The following LINGO1 variants were observed in gnomAD, a reference collection of about 807,000 sequenced individuals.
LINGO1 encodes the protein leucine rich repeat and Ig domain containing 1, also known as leucine-rich repeat and immunoglobulin-like domain-containing nogo receptor-interacting protein 1.
LINGO1 carries 11 observed loss-of-function variants against 37.3 expected under a neutral mutation model. The ratio of observed to expected loss-of-function variants is 0.29; its 90% confidence interval spans 0.19 to 0.49. The LOEUF is 0.49. Among genes scored for constraint, LINGO1 ranks in the 20% least tolerant of loss-of-function variants. The pLI is 0.99. For missense variants in LINGO1, 585 were observed against 878.2 expected, an observed-to-expected ratio of 0.67 and a Z score of 4.22; for synonymous variants, 387 against 403.0, an observed-to-expected ratio of 0.96 and a Z score of 0.48.
At chr15:77,720,146 C>T (rs2141310640) in intron 2 of LINGO1, among the ~76,000 whole-genome samples, 1 of 137,806 alleles carries the variant, frequency 7.3e-6, no homozygotes. Context: ...CAGCCCCACC[C>T]CACCCCTCCA....
At chr15:77,694,407 CGTGGCCTCACACCCTCT>C (rs2075655667) in intron 1 of LINGO1, among the ~76,000 whole-genome samples, 1 of 152,064 alleles carries the variant, frequency 6.6e-6, no homozygotes, top group Non-Finnish European at 1.5e-5. Context: ...TCAGATTCTC[CGTGGCCTCACACCCTCT>C]GTGGCCTCAC....
At chr15:77,792,058 C>G (rs1452741630) in intron 2 of LINGO1, among the ~76,000 whole-genome samples, 1 of 152,176 alleles carries the variant, frequency 6.6e-6, no homozygotes, top group East Asian at 1.9e-4. Context: ...GCCTCTCCAG[C>G]CCAGCTCTTC....
intron 1 of LINGO1, among the ~76,000 whole-genome samples, chr15:77,812,856 T>C (rs931169500): frequency 3.3e-5 from 5 of 152,202 alleles, no homozygotes; most frequent in African/African-American, 9.6e-5. Context: ...GCCGTATCTA[T>C]GATGAGCGTC....
In LINGO1 at chr15:77,766,376, C is replaced by CA. The variant is rs71145860; in HGVS notation, c.-257+20492dup. On this transcript the variant is annotated intron_variant, in intron 1 of 3. Coordinates refer to the LINGO1 transcript ENST00000561686. ...ATGGGCAATGCAGACAGAAGGAACTCAAAAAAAAAAAAACCTATCATTTTC... is the reference window on the plus strand; with the variant it reads ...ATGGGCAATGCAGACAGAAGGAACTCAAAAAAAAAAAAAACCTATCATTTTC... 3.1e-3 allele frequency among the ~76,000 whole-genome samples: 317 copies of CA among 102,570 alleles called. 1 individual carries two copies. Among genetic ancestry groups the CA allele is most frequent in the East Asian group, 6.2e-3 (23 of 3,708 alleles). The allele number at this position is 102,570 out of a possible 152,430, so 67.3% of individuals were successfully genotyped here.
intron 1 of LINGO1, among the ~76,000 whole-genome samples, chr15:77,756,781 C>A (rs1299030096): frequency 1.3e-5 from 2 of 152,186 alleles, no homozygotes; most frequent in Admixed American, 1.3e-4. Context: ...TGACCCTGAA[C>A]CACCATGCCA....
intron 1 of LINGO1, among the ~76,000 whole-genome samples, chr15:77,627,465 G>A (rs912025177): frequency 2.0e-5 from 3 of 152,138 alleles, no homozygotes; most frequent in African/African-American, 4.8e-5. Context: ...CCCCTCATTC[G>A]ATCCATGAGC....
upstream of LINGO1, among the ~76,000 whole-genome samples, chr15:77,639,267 G>T (rs2074452562): frequency 6.6e-6 from 1 of 152,092 alleles, no homozygotes; most frequent in East Asian, 1.9e-4. Context: ...ATACATATTT[G>T]CTGTTTTAAG....
intron 2 of LINGO1, among the ~76,000 whole-genome samples, chr15:77,716,985 A>C (rs2075992155): frequency 1.3e-5 from 2 of 150,476 alleles, no homozygotes; most frequent in African/African-American, 4.8e-5. Flanking sequence ...AAAAGAGAAG[A>C]GAAAACAATA....
At chr15:77,735,851 C>G (rs950145074) in intron 1 of LINGO1, among the ~76,000 whole-genome samples, 8 of 152,312 alleles carry the variant, frequency 5.3e-5, no homozygotes, top group Middle Eastern at 3.4e-3. Context: ...TGGGAGACCA[C>G]TCATACACAC....
chr15:77,663,053 C>G (rs760740025), intron 3 of LINGO1, among the ~76,000 whole-genome samples: 1 of 152,216 alleles, frequency 6.6e-6, no homozygotes, highest in Non-Finnish European at 1.5e-5. Context: ...TTTTGAGGAT[C>G]AGCCTCACCT....
rs149287703 is a variant in LINGO1 at position 77,649,779 on chromosome 15, G to A, written c.-13+27310C>T. ...CTGGACTCCCACAGCCTGCCCCCCC[G>A]AGTGCAGCAGCCCCCAACACTGCTC... is the stretch of plus-strand genomic sequence containing the variant. On this transcript the variant is annotated intron_variant, in intron 3 of 3. Coordinates refer to the LINGO1 transcript ENST00000559893. 3.1e-3 allele frequency among the ~76,000 whole-genome samples: 472 copies of A among 152,228 alleles called. 2 individuals carry two copies. Among genetic ancestry groups the A allele is most frequent in the Non-Finnish European group, 3.6e-3 (243 of 67,998 alleles).
At chr15:77,728,802 C>T (rs1175112740) in intron 2 of LINGO1, among the ~76,000 whole-genome samples, 4 of 152,248 alleles carry the variant, frequency 2.6e-5, no homozygotes, top group Non-Finnish European at 5.9e-5. Context: ...CCTCTGTCTG[C>T]ACTTCAGTTC....
At chr15:77,654,116 C>T (rs776509672) in intron 3 of LINGO1, among the ~76,000 whole-genome samples, 8 of 152,174 alleles carry the variant, frequency 5.3e-5, no homozygotes, top group Admixed American at 2.0e-4. Context: ...GCCTTGGCCT[C>T]GCCTCTTCCT....
At position 77,615,826 on chromosome 15, in the gene LINGO1, G is replaced by C; in HGVS notation, c.81C>G (p.Leu27=). Residue 27 remains leucine, a synonymous_variant, in exon 2 of 2, where the codon CTC becomes CTG. Transcript: ENST00000355300. ...SPLLACWQPI[L]LLVLGSVLSG... is the part of the protein sequence containing the mutation. ...ACAGCACTGAGCCCAGCACCAGCAG[G>C]AGGATGGGCTGCCAGCAGGCCAGGA... The C allele has an allele frequency of 6.6e-7, 1 of 1,524,386 alleles. No homozygotes were observed. The allele number at this position is 1,524,386 out of a possible 1,614,324, so 94.4% of individuals were successfully genotyped here.
At chr15:77,776,391 C>T (rs1176178301) in intron 1 of LINGO1, among the ~76,000 whole-genome samples, 1 of 121,436 alleles carries the variant, frequency 8.2e-6, no homozygotes, top group South Asian at 2.6e-4. Flanking sequence ...AGCCTTAAGA[C>T]AGAATCTGCT....
intron 2 of LINGO1, among the ~76,000 whole-genome samples, chr15:77,686,815 C>A (rs2075519005): frequency 6.6e-6 from 1 of 152,212 alleles, no homozygotes; most frequent in South Asian, 2.1e-4. Context: ...CCCTGCCAGT[C>A]CCCTGGGCCT....
At chr15:77,651,371 T>G (rs553260251) in intron 3 of LINGO1, 13 of 152,340 alleles carry the variant, frequency 8.5e-5, no homozygotes, top group African/African-American at 2.9e-4. Flanking sequence ...GATACCACAC[T>G]GACCTAAAAA....
chr15:77,721,187 C>T (rs1027439211), intron 2 of LINGO1, among the ~76,000 whole-genome samples: 1 of 152,122 alleles, frequency 6.6e-6, no homozygotes, highest in African/African-American at 2.4e-5. Flanking sequence ...GCCCCAGTCA[C>T]CCCGCTTCAT....
At chr15:77,693,894 T>C (rs2075646720) in intron 1 of LINGO1, among the ~76,000 whole-genome samples, 1 of 152,030 alleles carries the variant, frequency 6.6e-6, no homozygotes, top group African/African-American at 2.4e-5. Flanking sequence ...TCAAGAAACC[T>C]CGGGGGCCTG....
Sources: gnomAD v4.1 joint callset for allele counts (sites outside exome capture counted in the v4.1 genomes callset) on GRCh38, gnomAD v4.1.1 for gene constraint, MANE v1.5 for transcripts, NCBI Gene and HGNC (gene_info 2026-07-23, HGNC 2026-07-21) for gene names.